Variants in KIF16B observed in about 807,000 individuals in gnomAD.
KIF16B encodes the protein kinesin-like protein KIF16B.
Under a neutral mutation model 156.3 loss-of-function variants are expected in KIF16B, and 98 were observed. That is an observed-to-expected ratio of 0.63 (90% confidence interval 0.53 to 0.74). KIF16B has a LOEUF of 0.74. KIF16B is among the 30% of genes least tolerant of loss of function. The pLI, the probability that KIF16B is intolerant of heterozygous loss-of-function variation, is 0.00. For synonymous variants in KIF16B, 564 were observed against 583.7 expected, an observed-to-expected ratio of 0.97 and a Z score of 0.49; for missense variants, 1,421 against 1,606.5, an observed-to-expected ratio of 0.88 and a Z score of 1.97.
intron 1 of KIF16B, among the ~76,000 whole-genome samples, chr20:16,532,671 T>A (rs17674942): frequency 2.2e-4 from 34 of 152,084 alleles, no homozygotes; most frequent in African/African-American, 7.7e-4. Flanking sequence ...GGGTCCTTTT[T>A]TCTCAATCAA....
At chr20:16,539,425 G>A (rs975031505) in intron 1 of KIF16B, among the ~76,000 whole-genome samples, 5 of 152,200 alleles carry the variant, frequency 3.3e-5, no homozygotes, top group African/African-American at 1.2e-4. Context: ...TGGCTGCATT[G>A]TGTCCATGCC....
chr20:16,473,517 A>G (rs560716212), intron 12 of KIF16B, among the ~76,000 whole-genome samples: 1 of 152,240 alleles, frequency 6.6e-6, no homozygotes, highest in South Asian at 2.1e-4. Flanking sequence ...ACCCCATGGA[A>G]GAGATCGCAG....
rs1388183938 is a variant in KIF16B, at chr20:16,379,797, CTT to C, written c.2203_2204del (p.Lys735GlyfsTer4). 4 of 1,614,094 alleles carry C rather than the reference CTT, an allele frequency of 2.5e-6. No homozygotes were observed. In the East Asian group the frequency reaches 6.7e-5, roughly 27 times the overall value. ...QIFQELDQLQ[K>X]EKDEQYAKLE... Reference sequence around the variant, plus strand: ...GCTTGGCATACTGTTCATCTTTTTCCTTTTGGAGCTGGTCCAGTTCTTGAAAT... The same window carrying C: ...GCTTGGCATACTGTTCATCTTTTTCCTTGGAGCTGGTCCAGTTCTTGAAAT... On this transcript the variant is annotated frameshift_variant, in exon 19 of 26. Transcript: ENST00000354981. LOFTEE classifies it high-confidence loss of function.
chr20:16,466,713 G>A (rs1293149623), intron 12 of KIF16B, among the ~76,000 whole-genome samples: 1 of 152,170 alleles, frequency 6.6e-6, no homozygotes, highest in Non-Finnish European at 1.5e-5. Flanking sequence ...ATTAGCACAT[G>A]AAAACACTCT....
chr20:16,449,505 G>C (rs559692259), intron 12 of KIF16B, among the ~76,000 whole-genome samples: 37 of 152,088 alleles, frequency 2.4e-4, no homozygotes, highest in Non-Finnish European at 3.2e-4. Flanking sequence ...ACCAAAAGAA[G>C]GTCCACAAAC....
At chr20:16,367,379 GA>G (rs1568891461) in intron 22 of KIF16B, 3 of 1,612,802 alleles carry the variant, frequency 1.9e-6, no homozygotes, top group Admixed American at 1.7e-5. Flanking sequence ...TTCTTTTCTG[GA>G]ACAACAACAC....
intron 17 of KIF16B, among the ~76,000 whole-genome samples, chr20:16,391,338 C>A (rs192478791): frequency 6.6e-6 from 1 of 152,250 alleles, no homozygotes; most frequent in East Asian, 1.9e-4. Context: ...CAGCACGGGG[C>A]AGGACATTCA....
Position 16,428,885 on chromosome 20 carries a change from G to A in KIF16B, c.1474+68C>T, listed in dbSNP as rs1374643844. The A allele has an allele frequency of 3.1e-5, 42 of 1,358,210 alleles. 1 individual carries two copies. The highest frequency in any genetic ancestry group is 3.6e-4 in the Middle Eastern group (2 of 5,542). The allele number at this position is 1,358,210 out of a possible 1,614,324, so 84.1% of individuals were successfully genotyped here. On this transcript the variant is annotated intron_variant, in intron 14 of 25. Coordinates refer to ENST00000354981, the MANE Select transcript of KIF16B (RefSeq NM_024704.5). ...ATAATTACTTCAATGTCAGTCATTC[G>A]AAAAAGTTCTTCCTTGAATACAACC... is the stretch of plus-strand genomic sequence containing the variant.
chr20:16,435,699 G>A (rs1449535577), intron 12 of KIF16B, among the ~76,000 whole-genome samples: 1 of 151,970 alleles, frequency 6.6e-6, no homozygotes, highest in Non-Finnish European at 1.5e-5. Flanking sequence ...ATTTCTTTCA[G>A]TTTCTGATTG....
intron 3 of KIF16B, among the ~76,000 whole-genome samples, chr20:16,523,528 TAA>T (rs933343673): frequency 2.4e-4 from 36 of 152,110 alleles, no homozygotes; most frequent in African/African-American, 8.4e-4. Context: ...CTCAAAGAAA[TAA>T]GAGAGGACAC....
At chr20:16,523,637 C>T (rs1281248112) in intron 3 of KIF16B, among the ~76,000 whole-genome samples, 2 of 152,098 alleles carry the variant, frequency 1.3e-5, no homozygotes, top group Admixed American at 6.5e-5. Flanking sequence ...CAATGCTATC[C>T]CCATCAAGCT....
intron 12 of KIF16B, among the ~76,000 whole-genome samples, chr20:16,438,854 CA>C (rs1350713676): frequency 2.6e-5 from 4 of 152,120 alleles, no homozygotes; most frequent in Non-Finnish European, 5.9e-5. Flanking sequence ...TACATCCCTG[CA>C]AAGTTGATTA....
intron 23 of KIF16B, among the ~76,000 whole-genome samples, chr20:16,341,337 A>T (rs1352582980): frequency 6.6e-6 from 1 of 152,186 alleles, no homozygotes; most frequent in East Asian, 1.9e-4. Context: ...ATGATGTTAT[A>T]AACTTACTGT....
At chr20:16,467,757 G>C (rs1256608923) in intron 12 of KIF16B, among the ~76,000 whole-genome samples, 1 of 151,154 alleles carries the variant, frequency 6.6e-6, no homozygotes, top group African/African-American at 2.4e-5. Context: ...CCTGTACCCT[G>C]TGGAACTGTC....
intron 6 of KIF16B, 129 bp downstream of exon 6, chr20:16,511,286 ATTC>A (rs1490019515): frequency 4.1e-6 from 2 of 485,506 alleles, no homozygotes; most frequent in African/African-American, 3.9e-5. Context: ...AGCTCATGAC[ATTC>A]TTACTATAAT....
intron 17 of KIF16B, among the ~76,000 whole-genome samples, chr20:16,390,103 CTT>C (rs1331794511): frequency 2.6e-5 from 4 of 152,268 alleles, no homozygotes; most frequent in African/African-American, 9.6e-5. Context: ...ATTAAACCCT[CTT>C]AAGTAAACGT....
chr20:16,332,821 C>T, intron 24 of KIF16B, among the ~76,000 whole-genome samples: 1 of 152,226 alleles, frequency 6.6e-6, no homozygotes, highest in South Asian at 2.1e-4. Context: ...AGAGAAGGTT[C>T]ATAATATCTT....
chr20:16,446,749 T>C (rs532157885), intron 12 of KIF16B, among the ~76,000 whole-genome samples: 97 of 152,310 alleles, frequency 6.4e-4, no homozygotes, highest in Admixed American at 4.4e-3. Context: ...TAAGAGAATA[T>C]ACTATTTAAA....
At chr20:16,292,824 A>G (rs2063332089) in intron 25 of KIF16B, among the ~76,000 whole-genome samples, 1 of 152,238 alleles carries the variant, frequency 6.6e-6, no homozygotes. Flanking sequence ...AAAATTGACT[A>G]TTTCAGGAAG....
Sources: allele counts gnomAD v4.1 joint callset (sites outside exome capture counted in the v4.1 genomes callset), GRCh38; gene constraint gnomAD v4.1.1; transcripts MANE v1.5; gene names NCBI Gene and HGNC (gene_info 2026-07-23, HGNC 2026-07-21).